Variants in KANTR observed in about 807,000 individuals in gnomAD.
KANTR encodes the protein KANTR integral membrane protein.
At chrX:53,139,847 G>A (rs1265977693) in intron 2 of KANTR, among the ~76,000 whole-genome samples, 1 of 110,308 alleles carries the variant, frequency 9.1e-6, no homozygotes, top group Admixed American at 9.7e-5. Flanking sequence ...AAAAGAAGGA[G>A]GAGGAGGCAG....
At chrX:53,130,381 G>A (rs1367477794), downstream of KANTR, among the ~76,000 whole-genome samples, 2 of 111,890 alleles carry the variant, frequency 1.8e-5, no homozygotes, top group Admixed American at 1.9e-4. Context: ...GAGTATGGTA[G>A]TGCAGTGGAC....
intron 2 of KANTR, among the ~76,000 whole-genome samples, chrX:53,116,985 T>C (rs782168439): frequency 4.5e-5 from 5 of 111,722 alleles, no homozygotes; most frequent in East Asian, 5.6e-4. Context: ...ATATTAGATA[T>C]ATGATAAAAG....
At chrX:53,117,245 C>T (rs1160073157) in intron 2 of KANTR, among the ~76,000 whole-genome samples, 1 of 111,731 alleles carries the variant, frequency 9.0e-6, no homozygotes, top group Non-Finnish European at 1.9e-5. Context: ...CGCCACTGCA[C>T]TCCAGCTTGG....
At chrX:53,111,089 C>T (rs1194061104) in intron 2 of KANTR, among the ~76,000 whole-genome samples, 2 of 108,393 alleles carry the variant, frequency 1.8e-5, no homozygotes, top group African/African-American at 3.3e-5. Flanking sequence ...AATCACAGCC[C>T]ACCGCCTCAA....
At chrX:53,114,025 A>G (rs1933085489) in intron 2 of KANTR, among the ~76,000 whole-genome samples, 1 of 110,492 alleles carries the variant, frequency 9.1e-6, no homozygotes, top group Non-Finnish European at 1.9e-5. Context: ...CAGCCTTCCA[A>G]GTAACTGGGA....
At chrX:53,143,222 G>A, downstream of KANTR, 1 of 663,504 alleles carries the variant, frequency 1.5e-6, no homozygotes, top group Non-Finnish European at 2.5e-6. Flanking sequence ...TCTCCAGGGA[G>A]GAGGAGGATG....
intron 2 of KANTR, among the ~76,000 whole-genome samples, chrX:53,141,681 T>C (rs1556818479): frequency 3.4e-5 from 2 of 58,223 alleles, no homozygotes; most frequent in Non-Finnish European, 7.9e-5. Flanking sequence ...TATTGGATTT[T>C]TTTTTAACGG....
At chrX:53,103,752 A>G (rs1177383394) in intron 2 of KANTR, among the ~76,000 whole-genome samples, 1 of 111,668 alleles carries the variant, frequency 9.0e-6, no homozygotes, top group Non-Finnish European at 1.9e-5. Context: ...CATTGGAATA[A>G]AACATCTGCA....
chrX:53,134,663 A>G (rs1212682332), intron 2 of KANTR, among the ~76,000 whole-genome samples: 1 of 112,138 alleles, frequency 8.9e-6, no homozygotes, highest in Non-Finnish European at 1.9e-5. Flanking sequence ...AGAATAAAAG[A>G]GAATGACAAT....
chrX:53,142,777 GACTCATCAT>G (rs1602130210), downstream of KANTR: 5 of 463,343 alleles, frequency 1.1e-5, no homozygotes, highest in South Asian at 1.3e-4. Context: ...GGAGGGGCCA[GACTCATCAT>G]ACATACCTGA....
intron 1 of KANTR, among the ~76,000 whole-genome samples, chrX:53,096,583 T>G (rs2146711035): frequency 8.9e-6 from 1 of 112,291 alleles, no homozygotes; most frequent in South Asian, 3.6e-4. Flanking sequence ...CCCAGCACTT[T>G]GGGAGGCCAA....
At chrX:53,104,696 CATA>C (rs1485890592) in intron 2 of KANTR, among the ~76,000 whole-genome samples, 1 of 111,217 alleles carries the variant, frequency 9.0e-6, no homozygotes, top group Non-Finnish European at 1.9e-5. Flanking sequence ...TTTCGCTGAG[CATA>C]ATGTTTTGAG....
At chrX:53,105,664 T>G (rs1932941619) in intron 2 of KANTR, among the ~76,000 whole-genome samples, 1 of 102,692 alleles carries the variant, frequency 9.7e-6, no homozygotes, top group African/African-American at 3.6e-5. Context: ...TAATTTTTTT[T>G]TTTTTTTTTG....
In KANTR at chrX:53,124,314, C is replaced by A. The variant is rs928548290; in HGVS notation, c.42C>A (p.Phe14Leu). Residue 14 changes from phenylalanine (F) to leucine (L), a missense_variant, in exon 3 of 3, where the codon TTC (phenylalanine) becomes TTA (leucine). Phe to Leu is a conservative substitution (Grantham distance 22). Coordinates refer to ENST00000604062, the Ensembl canonical transcript of KANTR. ...TACTGATATTGGTTATTTGTGCCTT[C>A]TCACTTTTTTTCTTGATCAATCTCA... 3 of 295,378 alleles carry A rather than the reference C, an allele frequency of 1.0e-5. No individual in the cohort carries two copies. The East Asian group carries it at 1.4e-4, about 14-fold the overall frequency. The allele number at this position is 295,378 out of a possible 1,213,427, so 24.3% of individuals were successfully genotyped here.
At chrX:53,126,451 A>G (rs1556816208) in exon 3 of KANTR, 1 of 110,883 alleles carries the variant, frequency 9.0e-6, no homozygotes, top group Non-Finnish European at 1.9e-5. Flanking sequence ...CAGCTTACTG[A>G]TTCTCTTTTC....
intron 2 of KANTR, among the ~76,000 whole-genome samples, chrX:53,110,664 C>T (rs936145604): frequency 2.0e-4 from 22 of 112,099 alleles, no homozygotes; most frequent in African/African-American, 7.1e-4. Flanking sequence ...GTGGCTCACG[C>T]CTGTAATCCC....
chrX:53,103,943 C>G (rs1199241946), intron 2 of KANTR, among the ~76,000 whole-genome samples: 1 of 111,538 alleles, frequency 9.0e-6, no homozygotes, highest in Non-Finnish European at 1.9e-5. Flanking sequence ...CCTCTCTCTA[C>G]AAGATCATTC....
chrX:53,138,932 G>T (rs1217706527), intron 2 of KANTR, among the ~76,000 whole-genome samples: 10 of 110,320 alleles, frequency 9.1e-5, no homozygotes, highest in African/African-American at 3.3e-4. Context: ...GGATTCTAGG[G>T]GCCAGGCACA....
chrX:53,095,338 C>T (rs1387706166), intron 1 of KANTR, among the ~76,000 whole-genome samples: 3 of 111,637 alleles, frequency 2.7e-5, no homozygotes, highest in African/African-American at 9.8e-5. Flanking sequence ...AAGGAACTCA[C>T]CTTCAGTTAT....
Sources: allele counts gnomAD v4.1 joint callset (sites outside exome capture counted in the v4.1 genomes callset), GRCh38; gene constraint gnomAD v4.1.1; transcripts MANE v1.5; gene names NCBI Gene and HGNC (gene_info 2026-07-23, HGNC 2026-07-21).